MGAT5B: variants seen among roughly 807,000 people sequenced by gnomAD.
MGAT5B encodes N-acetylglucosaminyl-transferase Vb.
A neutral mutation model predicts 95.1 loss-of-function variants in MGAT5B; 54 were observed. That is an observed-to-expected ratio of 0.57 (90% CI 0.46 to 0.71). The LOEUF is 0.71. Among genes scored for constraint, MGAT5B ranks in the 30% least tolerant of loss-of-function variants. The probability of loss-of-function intolerance (pLI) is 0.00; values close to 1 mark genes in which losing one functional copy is unlikely to be tolerated. For synonymous variants in MGAT5B, 464 were observed against 451.0 expected (o/e 1.03, Z -0.36); for missense variants, 935 against 1,088.6 (o/e 0.86, Z 1.99).
intron 8 of MGAT5B, among the ~76,000 whole-genome samples, chr17:76,919,963 G>C (rs1969074179): frequency 6.6e-6 from 1 of 152,166 alleles, no homozygotes; most frequent in African/African-American, 2.4e-5. Flanking sequence ...TTTGGGCACA[G>C]TGCAGGGGCC....
Position 76,916,320 on chromosome 17 carries a change from A to G in MGAT5B, c.1026-8646A>G, listed in dbSNP as rs1336818064. On this transcript the variant is annotated intron_variant, in intron 8 of 17. Transcript: ENST00000569840. This position sits in a 1 kb window ranked among gnomAD's most constrained non-coding sequence, Gnocchi z 5.3. The stretch of plus-strand genomic sequence containing the variant: ...TCTTGCAAGTCAAGGCCCCCCGGCC[A>G]AGTCTGAACATTGACCAATAAGCAA... Among the ~76,000 whole-genome samples, 2 of 152,236 alleles carry G rather than the reference A, an allele frequency of 1.3e-5. No homozygotes were observed. The highest frequency in any genetic ancestry group is 4.8e-5 in the African/African-American group (2 of 41,462).
intron 15 of MGAT5B, among the ~76,000 whole-genome samples, chr17:76,944,881 G>A (rs1177804287): frequency 1.3e-5 from 2 of 152,234 alleles, no homozygotes; most frequent in Non-Finnish European, 2.9e-5. Context: ...AGGAAGAAAG[G>A]AGGTGGTTGC....
intron 3 of MGAT5B, among the ~76,000 whole-genome samples, chr17:76,898,198 A>G (rs1350389712): frequency 6.6e-6 from 1 of 152,200 alleles, no homozygotes; most frequent in African/African-American, 2.4e-5. Flanking sequence ...TCTAGCACAC[A>G]AGATTTCCTG....
At chr17:76,875,979 C>T (rs1032925066) in intron 2 of MGAT5B, among the ~76,000 whole-genome samples, 3 of 152,044 alleles carry the variant, frequency 2.0e-5, no homozygotes, top group African/African-American at 7.2e-5. Flanking sequence ...AAGGAGGAGA[C>T]AGACAAGAAA....
At chr17:76,887,527 C>T (rs1228979602) in intron 3 of MGAT5B, among the ~76,000 whole-genome samples, 1 of 65,374 alleles carries the variant, frequency 1.5e-5, no homozygotes, top group African/African-American at 1.6e-4. Flanking sequence ...CCCTCCCTCC[C>T]TCCCTTCCTT....
At chr17:76,946,264 A>G (rs1462109082) in intron 15 of MGAT5B, 112 bp from the exon 16 acceptor site, 7 of 855,386 alleles carry the variant, frequency 8.2e-6, no homozygotes, top group Non-Finnish European at 1.2e-5. Flanking sequence ...CTCCCTGGGC[A>G]TGGCACAGGA....
intron 15 of MGAT5B, among the ~76,000 whole-genome samples, chr17:76,942,756 A>G (rs1426572549): frequency 6.6e-6 from 1 of 152,114 alleles, no homozygotes; most frequent in Non-Finnish European, 1.5e-5. Flanking sequence ...TGCACGGGGA[A>G]GCTGGCAACA....
chr17:76,931,584 G>A (rs1356990933), intron 10 of MGAT5B, among the ~76,000 whole-genome samples: 4 of 152,208 alleles, frequency 2.6e-5, no homozygotes, highest in Admixed American at 2.0e-4. Context: ...TGGGCTGGAT[G>A]GTCAAAGGTG....
chr17:76,933,772 A>G (rs531133600), intron 12 of MGAT5B, among the ~76,000 whole-genome samples: 4 of 152,288 alleles, frequency 2.6e-5, no homozygotes, highest in African/African-American at 9.6e-5. Context: ...TTTAAACAAG[A>G]TGGAAGTATA....
At chr17:76,926,557 G>T (rs1489766206) in intron 9 of MGAT5B, 40 bp from the exon 10 acceptor site, 2 of 1,580,260 alleles carry the variant, frequency 1.3e-6, no homozygotes, top group Admixed American at 3.5e-5. Flanking sequence ...GACACACGGG[G>T]AGGTTGCTGA....
At chr17:76,891,750 A>G (rs1567796684) in intron 3 of MGAT5B, among the ~76,000 whole-genome samples, 1 of 152,232 alleles carries the variant, frequency 6.6e-6, no homozygotes, top group East Asian at 1.9e-4. Context: ...AGGCAAGACA[A>G]GTGCCTTCTA....
Position 76,938,075 on chromosome 17 carries a change from C to T in MGAT5B, c.1516C>T (p.Pro506Ser). 6.2e-7 allele frequency: 1 copy of T among 1,614,254 alleles called. No individual in the cohort carries two copies. Among genetic ancestry groups the T allele is most frequent in the Non-Finnish European group, 8.5e-7 (1 of 1,180,038 alleles). Residue 506 changes from proline to serine, a missense_variant, in exon 13 of 18, where the codon CCA becomes TCA. Physicochemically the swap from Pro to Ser is moderately conservative, Grantham distance 74. This residue lies in a region of MGAT5B where 440 missense variants were observed against 523.6 expected (regional missense o/e 0.84). Coordinates refer to ENST00000569840, the MANE Select transcript of MGAT5B (RefSeq NM_001199172.2). The surrounding 1 kb of genome is among the most constrained non-coding windows in gnomAD (Gnocchi z 4.3). ...YYESQRPPEVPAFVKNHGLLP... is the reference protein window; with the variant it reads ...YYESQRPPEVSAFVKNHGLLP... ...CGAGAGCCAGCGGCCCCCCGAGGTG[C>T]CAGCCTTTGTGAAGAACCACGGCCT...
rs933082492 is a variant in MGAT5B at position 76,930,541 on chromosome 17, C to T, written c.1292-2104C>T. Among the ~76,000 whole-genome samples the T allele has an allele frequency of 1.3e-5, 2 of 152,108 alleles. No homozygotes were observed. The highest frequency in any genetic ancestry group is 6.6e-5 in the Admixed American group (1 of 15,260). ...CCTTGGACTCAATAAACGGTTTATT[C>T]GGGATCCCAGTGCGCAGAAGGCAGG... On this transcript the variant is annotated intron_variant, in intron 10 of 17. Coordinates refer to ENST00000569840, the MANE Select transcript of MGAT5B (RefSeq NM_001199172.2). This position sits in a 1 kb window ranked among gnomAD's most constrained non-coding sequence, Gnocchi z 4.1.
At chr17:76,913,190 AG>A (rs923492290) in intron 8 of MGAT5B, among the ~76,000 whole-genome samples, 9 of 152,180 alleles carry the variant, frequency 5.9e-5, no homozygotes, top group Admixed American at 2.6e-4. Flanking sequence ...AGGTGCCCAA[AG>A]GAAAGGCTGG....
At chr17:76,927,643 T>G (rs1249040913) in intron 10 of MGAT5B, among the ~76,000 whole-genome samples, 1 of 152,210 alleles carries the variant, frequency 6.6e-6, no homozygotes, top group Admixed American at 6.5e-5. Flanking sequence ...CAGCTCAGGG[T>G]CAGTTCTCTG....
chr17:76,933,316 G>T lies in MGAT5B; in HGVS notation c.1428+19G>T. The T allele has an allele frequency of 2.5e-6, 4 of 1,598,154 alleles. No homozygotes were observed. Among genetic ancestry groups the T allele is most frequent in the Non-Finnish European group, 3.4e-6 (4 of 1,179,680 alleles). On this transcript the variant is annotated intron_variant, in intron 12 of 17. Transcript: ENST00000569840. ...GCTCCAGGTATGGAAACCGCTTGCC[G>T]CCTGCCCCCTCTACCCTCTGCTCCC...
chr17:76,935,816 A>AATTATATATACTATATATTATATAC (rs1969635303), intron 12 of MGAT5B, among the ~76,000 whole-genome samples: 1 of 140,700 alleles, frequency 7.1e-6, no homozygotes, highest in Non-Finnish European at 1.5e-5. Context: ...TATATTATAT[A>AATTATATATACTATATATTATATAC]ATTATATATA....
rs1250301766 is a variant in MGAT5B, at chr17:76,869,932, GC to G, written c.68+838del. 6.6e-6 allele frequency among the ~76,000 whole-genome samples: 1 copy of G among 152,148 alleles called. No individual in the cohort carries two copies. Among genetic ancestry groups the G allele is most frequent in the African/African-American group, 2.4e-5 (1 of 41,450 alleles). Reference sequence around the variant, plus strand: ...CTCCTCCCAGGCATCCGCGGAACCGGCCCGCAGCGGGGTGGGGAGGGGGCGC... The same window carrying G: ...CTCCTCCCAGGCATCCGCGGAACCGGCCGCAGCGGGGTGGGGAGGGGGCGC... On this transcript the variant is annotated intron_variant, in intron 1 of 17. Transcript: ENST00000569840. The surrounding 1 kb of genome is among the most constrained non-coding windows in gnomAD (Gnocchi z 7.0).
intron 9 of MGAT5B, among the ~76,000 whole-genome samples, chr17:76,925,786 C>T (rs984388962): frequency 1.3e-5 from 2 of 152,196 alleles, no homozygotes; most frequent in African/African-American, 4.8e-5. Context: ...TCTGGGTCAC[C>T]AGGAAGGACG....
Sources: allele counts gnomAD v4.1 joint callset (sites outside exome capture counted in the v4.1 genomes callset), GRCh38; gene constraint gnomAD v4.1.1; regional missense constraint gnomAD v4.1.1; non-coding constraint Gnocchi (gnomAD v3.1); transcripts MANE v1.5; gene names NCBI Gene and HGNC (gene_info 2026-07-23, HGNC 2026-07-21).